Variants in SOX6 observed in about 807,000 individuals in gnomAD.
SOX6 encodes the protein transcription factor SOX-6.
In SOX6, 11 loss-of-function variants were observed where a neutral mutation model predicts 97.8. The ratio of observed to expected loss-of-function variants is 0.11; its 90% CI spans 0.07 to 0.19. The LOEUF is 0.19. SOX6 is among the 10% of genes least tolerant of loss of function. The probability of loss-of-function intolerance (pLI) is 1.00; values close to 1 mark genes in which losing one functional copy is unlikely to be tolerated. For missense variants in SOX6, 810 were observed against 1,039.5 expected (o/e 0.78, Z 3.04); for synonymous variants, 360 against 371.4 (o/e 0.97, Z 0.35).
chr11:16,699,869 C>T (rs779458594), intron 3 of SOX6, among the ~76,000 whole-genome samples: 5 of 152,136 alleles, frequency 3.3e-5, no homozygotes, highest in Non-Finnish European at 5.9e-5. Flanking sequence ...TTGGAGGCTG[C>T]TATTCATCTT....
At chr11:16,606,230 C>CTT (rs5789958) in intron 4 of SOX6, among the ~76,000 whole-genome samples, 32 of 144,286 alleles carry the variant, frequency 2.2e-4, no homozygotes, top group African/African-American at 6.9e-4. Context: ...CCTCTTTTTT[C>CTT]TTTTTTTTTT....
intron 6 of SOX6, among the ~76,000 whole-genome samples, chr11:16,130,456 T>C (rs753448081): frequency 1.5e-4 from 23 of 151,960 alleles, no homozygotes; most frequent in African/African-American, 3.4e-4. Flanking sequence ...TCATACACCA[T>C]AAATATATAC....
At chr11:16,330,568 C>A (rs929349103) in intron 2 of SOX6, among the ~76,000 whole-genome samples, 34 of 151,962 alleles carry the variant, frequency 2.2e-4, no homozygotes, top group Non-Finnish European at 1.2e-4. Flanking sequence ...AACAAATAAA[C>A]AAACAAAAAC....
intron 4 of SOX6, among the ~76,000 whole-genome samples, chr11:16,540,570 C>A (rs1380698150): frequency 5.9e-5 from 9 of 151,734 alleles, no homozygotes; most frequent in African/African-American, 1.9e-4. Context: ...ATTTAGAAAA[C>A]CCCATTGTCT....
At position 16,106,873 on chromosome 11, in the gene SOX6, C is replaced by T. The variant is rs570694703; in HGVS notation, c.898+4930G>A. Among the ~76,000 whole-genome samples the T allele has an allele frequency of 2.6e-5, 4 of 151,954 alleles. No individual in the cohort carries two copies. The East Asian group carries it at 7.7e-4, about 29-fold the overall frequency. ...ATAAGGTATTAATATCCACAATACA[C>T]AAATAACTGAAACTCAACAACAACA... On this transcript the variant is annotated intron_variant, in intron 7 of 15. Transcript: ENST00000683767.
chr11:16,483,964 T>C, intron 4 of SOX6: 1 of 857,040 alleles, frequency 1.2e-6, no homozygotes. Context: ...AGTTTTATTG[T>C]GCTTGGCTGT....
At chr11:16,069,604 T>C (rs1293109936) in intron 9 of SOX6, among the ~76,000 whole-genome samples, 1 of 152,212 alleles carries the variant, frequency 6.6e-6, no homozygotes, top group African/African-American at 2.4e-5. Flanking sequence ...ACCTTAGTAA[T>C]TAGGTTAAGG....
chr11:16,557,552 C>G (rs998900308), intron 4 of SOX6, among the ~76,000 whole-genome samples: 31 of 151,924 alleles, frequency 2.0e-4, no homozygotes, highest in African/African-American at 7.5e-4. Flanking sequence ...GAGAGTTAAT[C>G]TAAACATAAA....
chr11:16,609,242 G>T (rs543469655), intron 4 of SOX6, among the ~76,000 whole-genome samples: 79 of 152,314 alleles, frequency 5.2e-4, no homozygotes, highest in Non-Finnish European at 6.5e-4. Flanking sequence ...GGTGAGGTTG[G>T]CCTGCCTTAA....
At chr11:16,276,879 C>T (rs1198479059) in intron 3 of SOX6, among the ~76,000 whole-genome samples, 1 of 152,146 alleles carries the variant, frequency 6.6e-6, no homozygotes, top group African/African-American at 2.4e-5. Flanking sequence ...ATTTTGTCAC[C>T]TGAAGTATAA....
intron 1 of SOX6, among the ~76,000 whole-genome samples, chr11:16,401,018 G>T (rs1503440): frequency 0.19 from 28,055 of 151,204 alleles, 2,974 homozygotes; most frequent in Admixed American, 0.31. Flanking sequence ...GCACAAATTT[G>T]CAGTCTTACA....
At chr11:16,244,684 G>A (rs989880421) in intron 3 of SOX6, among the ~76,000 whole-genome samples, 1 of 151,622 alleles carries the variant, frequency 6.6e-6, no homozygotes, top group African/African-American at 2.4e-5. Flanking sequence ...TTTTCAAAAA[G>A]ATTATCTTTT....
intron 3 of SOX6, among the ~76,000 whole-genome samples, chr11:16,270,654 AAC>A (rs57034455): frequency 6.7e-6 from 1 of 149,272 alleles, no homozygotes; most frequent in East Asian, 2.0e-4. Context: ...CACACACACA[AAC>A]ACACACACAC....
chr11:16,588,207 A>C (rs1848115745), intron 4 of SOX6, among the ~76,000 whole-genome samples: 1 of 152,176 alleles, frequency 6.6e-6, no homozygotes. Context: ...TTCTATATAA[A>C]GGGGAAGCAC....
intron 12 of SOX6, among the ~76,000 whole-genome samples, chr11:16,017,822 CT>C (rs1854933623): frequency 6.6e-6 from 1 of 152,060 alleles, no homozygotes; most frequent in Non-Finnish European, 1.5e-5. Context: ...CACACTTGAA[CT>C]AGCTCTCACC....
rs186185249 is a variant in SOX6 at position 16,366,912 on chromosome 11, G to A, written c.-4-25660C>T. Among the ~76,000 whole-genome samples, 54 of 152,178 alleles carry A rather than the reference G, an allele frequency of 3.5e-4. 1 individual carries two copies. Among genetic ancestry groups the A allele is most frequent in the Admixed American group, 3.5e-3 (53 of 15,266 alleles). ...CATCGAAGTGAATAAGCTCTATTAG[G>A]TCAGCAGAAATTAAATAATCAATAA... On this transcript the variant is annotated intron_variant, in intron 1 of 15. Transcript: ENST00000396356.
intron 3 of SOX6, among the ~76,000 whole-genome samples, chr11:16,269,250 T>C (rs1036846202): frequency 4.5e-5 from 3 of 66,816 alleles, no homozygotes; most frequent in Admixed American, 2.0e-4. Flanking sequence ...GGTTTAATTA[T>C]GGACTTTATT....
chr11:16,424,190 G>A (rs760686980), intron 1 of SOX6, among the ~76,000 whole-genome samples: 19 of 152,090 alleles, frequency 1.2e-4, no homozygotes, highest in African/African-American at 3.6e-4. Flanking sequence ...GAGGTTTGAC[G>A]GTAAAAGGAA....
intron 6 of SOX6, among the ~76,000 whole-genome samples, chr11:16,172,979 A>G (rs1851079049): frequency 6.6e-6 from 1 of 151,892 alleles, no homozygotes; most frequent in Non-Finnish European, 1.5e-5. Flanking sequence ...ATCAGTTATC[A>G]TCTCCATGCC....
Sources: allele counts gnomAD v4.1 joint callset (sites outside exome capture counted in the v4.1 genomes callset), GRCh38; gene constraint gnomAD v4.1.1; transcripts MANE v1.5; gene names NCBI Gene and HGNC (gene_info 2026-07-23, HGNC 2026-07-21).